The following THSD7B variants were observed in gnomAD, a reference collection of about 807,000 sequenced individuals.
THSD7B encodes thrombospondin type-1 domain-containing protein 7B.
Under a neutral mutation model 213.6 loss-of-function variants are expected in THSD7B, and 138 were observed. The observed-to-expected ratio is 0.65, with a 90% CI of 0.56 to 0.74. THSD7B has a LOEUF of 0.74. Among genes scored for constraint, THSD7B ranks in the 30% least tolerant of loss-of-function variants. The pLI is 0.00. For synonymous variants in THSD7B, 742 were observed against 687.0 expected (o/e 1.08, Z -1.25); for missense variants, 1,931 against 1,991.5 (o/e 0.97, Z 0.58).
At chr2:136,984,571 T>C (rs1282176509) in intron 2 of THSD7B, among the ~76,000 whole-genome samples, 2 of 152,186 alleles carry the variant, frequency 1.3e-5, no homozygotes, top group Non-Finnish European at 2.9e-5. Flanking sequence ...GTATAGCCTG[T>C]AGAACCATGA....
At chr2:137,634,585 A>G (rs1295648906) in intron 20 of THSD7B, among the ~76,000 whole-genome samples, 1 of 152,196 alleles carries the variant, frequency 6.6e-6, no homozygotes, top group Non-Finnish European at 1.5e-5. Flanking sequence ...GCTACCAAAA[A>G]CATAATTTCC....
chr2:137,603,012 G>T (rs1050528357), intron 17 of THSD7B, among the ~76,000 whole-genome samples: 1 of 152,094 alleles, frequency 6.6e-6, no homozygotes, highest in Non-Finnish European at 1.5e-5. Context: ...TTTGTTTTTG[G>T]TGGTGCTTGA....
chr2:137,029,351 T>C (rs10211426), intron 2 of THSD7B, among the ~76,000 whole-genome samples: 10,861 of 152,132 alleles, frequency 0.071, 413 homozygotes, highest in East Asian at 0.14. Flanking sequence ...AGTGCTGAGG[T>C]TACAGGCACC....
At chr2:136,947,617 C>T (rs935069717) in intron 2 of THSD7B, among the ~76,000 whole-genome samples, 1 of 152,022 alleles carries the variant, frequency 6.6e-6, no homozygotes, top group African/African-American at 2.4e-5. Flanking sequence ...CTCTGTCTTG[C>T]CCCTGGTCAC....
chr2:137,604,131 A>AACTC (rs1682126408), intron 17 of THSD7B, among the ~76,000 whole-genome samples: 1 of 152,000 alleles, frequency 6.6e-6, no homozygotes, highest in South Asian at 2.1e-4. Context: ...ATAAAAAAAC[A>AACTC]ACTCAATCAG....
At chr2:136,974,544 G>T (rs1315037394) in intron 2 of THSD7B, among the ~76,000 whole-genome samples, 2 of 152,058 alleles carry the variant, frequency 1.3e-5, no homozygotes, top group African/African-American at 4.8e-5. Flanking sequence ...CCTTTTAATG[G>T]CTGCATAGTA....
intron 5 of THSD7B, among the ~76,000 whole-genome samples, chr2:137,129,774 ATTTC>A (rs1688695239): frequency 6.6e-6 from 1 of 152,162 alleles, no homozygotes; most frequent in Non-Finnish European, 1.5e-5. Context: ...TTACACAGTC[ATTTC>A]TTAATACCAT....
At chr2:136,834,903 T>A (rs1266558495) in intron 1 of THSD7B, among the ~76,000 whole-genome samples, 1 of 152,220 alleles carries the variant, frequency 6.6e-6, no homozygotes, top group Non-Finnish European at 1.5e-5. Flanking sequence ...AAATAATTAA[T>A]GAAATAAGGT....
At chr2:136,766,462 C>T (rs1681395240) in intron 1 of THSD7B, among the ~76,000 whole-genome samples, 1 of 152,050 alleles carries the variant, frequency 6.6e-6, no homozygotes, top group African/African-American at 2.4e-5. Flanking sequence ...GCACCTGTCC[C>T]CTTTGCTGTC....
chr2:137,042,034 T>A (rs1401350410), intron 2 of THSD7B, among the ~76,000 whole-genome samples: 1 of 152,236 alleles, frequency 6.6e-6, no homozygotes, highest in Non-Finnish European at 1.5e-5. Context: ...CACTCTTCTA[T>A]GGGATCTGAT....
At chr2:136,790,060 C>T (rs1681934595) in intron 1 of THSD7B, among the ~76,000 whole-genome samples, 1 of 151,268 alleles carries the variant, frequency 6.6e-6, no homozygotes, top group Admixed American at 6.6e-5. Context: ...TAAGCTTACC[C>T]TTTCTAACTC....
chr2:137,273,484 G>C (rs1384153575), intron 11 of THSD7B, among the ~76,000 whole-genome samples: 1 of 151,982 alleles, frequency 6.6e-6, no homozygotes, highest in Non-Finnish European at 1.5e-5. Context: ...ATAATCCATG[G>C]TCTTAAAAAT....
chr2:137,352,605 C>T (rs1453305266), intron 12 of THSD7B, among the ~76,000 whole-genome samples: 8 of 151,988 alleles, frequency 5.3e-5, no homozygotes, highest in African/African-American at 7.2e-5. Flanking sequence ...GCCATGACTT[C>T]GGCCCTCTTC....
At chr2:137,050,919 T>C (rs1687061180) in intron 2 of THSD7B, among the ~76,000 whole-genome samples, 1 of 152,224 alleles carries the variant, frequency 6.6e-6, no homozygotes, top group Admixed American at 6.5e-5. Flanking sequence ...AATGGATATA[T>C]CTGATGAGCA....
chr2:137,570,442 G>A (rs1681330939), intron 16 of THSD7B, among the ~76,000 whole-genome samples: 1 of 152,050 alleles, frequency 6.6e-6, no homozygotes, highest in African/African-American at 2.4e-5. Flanking sequence ...CCGAGTAGCT[G>A]GGACTACAGG....
intron 2 of THSD7B, among the ~76,000 whole-genome samples, chr2:137,051,515 T>A (rs1003795824): frequency 1.3e-5 from 2 of 152,220 alleles, no homozygotes; most frequent in Non-Finnish European, 2.9e-5. Context: ...TAAAGCATCT[T>A]ATAAGTAAGT....
At chr2:137,142,734 C>T (rs1168049418) in intron 5 of THSD7B, among the ~76,000 whole-genome samples, 1 of 151,946 alleles carries the variant, frequency 6.6e-6, no homozygotes, top group Non-Finnish European at 1.5e-5. Flanking sequence ...GTTATCTTTG[C>T]CTTGCTTCTA....
intron 14 of THSD7B, among the ~76,000 whole-genome samples, chr2:137,414,287 T>TA (rs1055800907): frequency 1.3e-5 from 2 of 152,060 alleles, no homozygotes; most frequent in South Asian, 2.1e-4. Context: ...AAAGGTTTTT[T>TA]AAAAAAAATA....
intron 15 of THSD7B, among the ~76,000 whole-genome samples, chr2:137,467,897 T>C (rs907929993): frequency 6.6e-6 from 1 of 152,188 alleles, no homozygotes. Context: ...AAGCAATACA[T>C]GCATACAACA....
Sources: gnomAD v4.1 joint callset for allele counts (sites outside exome capture counted in the v4.1 genomes callset) on GRCh38, gnomAD v4.1.1 for gene constraint, MANE v1.5 for transcripts, NCBI Gene and HGNC (gene_info 2026-07-23, HGNC 2026-07-21) for gene names.